The following TMEM272 variants were observed in gnomAD, a reference collection of about 807,000 sequenced individuals.
The protein encoded by TMEM272 is long intergenic non-protein coding RNA 282.
In TMEM272, 8 loss-of-function variants were observed where a neutral mutation model predicts 3.7. The ratio of observed to expected loss-of-function variants is 2.17; its 90% CI spans 1.27 to 3.91. TMEM272 has a LOEUF of 3.91. TMEM272 is among the 30% of genes most tolerant of loss of function. The pLI is 0.00. For missense variants in TMEM272, 166 were observed against 91.5 expected, an observed-to-expected ratio of 1.81 and a Z score of -3.32; for synonymous variants, 63 against 39.8, an observed-to-expected ratio of 1.58 and a Z score of -2.20.
the TMEM272 span, chr13:51,909,624 C>G: frequency 7.1e-7 from 1 of 1,414,368 alleles, no homozygotes; most frequent in Non-Finnish European, 1.0e-6. Flanking sequence ...AAATTGGTTT[C>G]TTTCTCCTTC....
chr13:51,835,224 CTTT>C (rs1956205199), intron 2 of TMEM272, among the ~76,000 whole-genome samples: 2 of 25,946 alleles, frequency 7.7e-5, no homozygotes, highest in Non-Finnish European at 2.3e-4. Flanking sequence ...CTTTTATTTT[CTTT>C]CTTTTTTTTT....
Position 51,815,896 on chromosome 13 carries a change from A to G in TMEM272, c.*855T>C, listed in dbSNP as rs1412515428. 6.6e-6 allele frequency: 1 copy of G among 152,262 alleles called. No homozygotes were observed. Among genetic ancestry groups the G allele is most frequent in the Non-Finnish European group, 1.5e-5 (1 of 68,050 alleles). The allele number at this position is 152,262 out of a possible 1,614,324, so 9.4% of individuals were successfully genotyped here. A position where few individuals can be genotyped will look rare whatever the true frequency, so the allele number is the denominator to read the frequency against. ...ATTCGATATTTAAGCTCAGAAACCA[A>G]AAACAGCTACACTGACGGCACCCCA... is the stretch of plus-strand genomic sequence containing the variant. On this transcript the variant is annotated 3_prime_UTR_variant, in exon 5 of 5. Transcript: ENST00000629372.
At chr13:51,844,245 C>CAT (rs113582636) in intron 1 of TMEM272, among the ~76,000 whole-genome samples, 20 of 150,974 alleles carry the variant, frequency 1.3e-4, no homozygotes, top group South Asian at 2.1e-4. Context: ...GACACACACA[C>CAT]ATATATATAT....
At chr13:51,922,979 C>T in the TMEM272 span, among the ~76,000 whole-genome samples, 1 of 152,244 alleles carries the variant, frequency 6.6e-6, no homozygotes, top group Admixed American at 6.5e-5. Context: ...TGCAGGGCTC[C>T]TTTTGCCCTT....
chr13:51,880,509 T>C, the TMEM272 span, among the ~76,000 whole-genome samples: 2 of 151,986 alleles, frequency 1.3e-5, no homozygotes, highest in Admixed American at 1.3e-4. Context: ...TTTTTTTTAG[T>C]CACACTGTTT....
intron 4 of TMEM272, among the ~76,000 whole-genome samples, chr13:51,818,040 C>A (rs922094520): frequency 6.6e-6 from 1 of 152,182 alleles, no homozygotes; most frequent in Non-Finnish European, 1.5e-5. Flanking sequence ...GCAACTTGAT[C>A]TGTGATGTTT....
At position 51,826,042 on chromosome 13, in the gene TMEM272, C is replaced by T. The variant is rs115733342; in HGVS notation, c.118+524G>A. 2.8e-3 allele frequency among the ~76,000 whole-genome samples: 425 copies of T among 151,990 alleles called. 5 individuals carry two copies. The highest frequency in any genetic ancestry group is 9.9e-3 in the African/African-American group (412 of 41,412). On this transcript the variant is annotated intron_variant, in intron 3 of 4. Coordinates refer to ENST00000629372, the MANE Select transcript of TMEM272 (RefSeq NM_001351003.2). ...TAGCTACTTAAGGAGCTTCCCCCAT[C>T]CTGCCCCTCCCCTGACCTTCGCTAG...
the TMEM272 span, among the ~76,000 whole-genome samples, chr13:51,900,084 A>AT: frequency 2.0e-5 from 3 of 152,224 alleles, no homozygotes; most frequent in African/African-American, 4.8e-5. Context: ...TATACCTTGA[A>AT]TTAGGCAATG....
the TMEM272 span, among the ~76,000 whole-genome samples, chr13:51,895,077 T>C: frequency 6.6e-6 from 1 of 151,982 alleles, no homozygotes; most frequent in Non-Finnish European, 1.5e-5. Context: ...GTAATTTAAG[T>C]GATGGGGAGC....
the TMEM272 span, among the ~76,000 whole-genome samples, chr13:51,884,499 G>A: frequency 6.6e-5 from 10 of 152,350 alleles, no homozygotes; most frequent in Non-Finnish European, 5.9e-5. Context: ...GTGTACTAAT[G>A]TATGGTGTGG....
At chr13:51,866,754 C>T in the TMEM272 span, among the ~76,000 whole-genome samples, 16 of 152,302 alleles carry the variant, frequency 1.1e-4, no homozygotes, top group African/African-American at 3.6e-4. Flanking sequence ...AGAGCACTGA[C>T]GCCCCTGATG....
the TMEM272 span, among the ~76,000 whole-genome samples, chr13:51,914,812 A>G: frequency 6.6e-6 from 1 of 152,226 alleles, no homozygotes; most frequent in Admixed American, 6.5e-5. Flanking sequence ...CCAGGGGCAC[A>G]TGTTAGAGTC....
chr13:51,884,768 G>C, the TMEM272 span, among the ~76,000 whole-genome samples: 3 of 152,260 alleles, frequency 2.0e-5, no homozygotes, highest in South Asian at 6.2e-4. Flanking sequence ...ACTTAAAATG[G>C]AGCCTACCCC....
At chr13:51,912,372 G>C in the TMEM272 span, among the ~76,000 whole-genome samples, 1 of 152,068 alleles carries the variant, frequency 6.6e-6, no homozygotes, top group African/African-American at 2.4e-5. Context: ...CGTATCACGT[G>C]GGGGCAGCAG....
At chr13:51,829,605 G>T (rs374640600) in intron 2 of TMEM272, among the ~76,000 whole-genome samples, 18 of 152,240 alleles carry the variant, frequency 1.2e-4, no homozygotes, top group African/African-American at 4.3e-4. Context: ...CTGCATTTTT[G>T]ACCTTGGAGC....
chr13:51,884,280 C>G, the TMEM272 span, among the ~76,000 whole-genome samples: 2 of 152,200 alleles, frequency 1.3e-5, no homozygotes, highest in Non-Finnish European at 2.9e-5. Flanking sequence ...GTTGATCTTA[C>G]ATTTTCCACA....
the TMEM272 span, among the ~76,000 whole-genome samples, chr13:51,889,699 T>C: frequency 6.6e-6 from 1 of 152,066 alleles, no homozygotes; most frequent in Non-Finnish European, 1.5e-5. Context: ...TAAAGTGCAA[T>C]GGTGCGATCC....
the TMEM272 span, among the ~76,000 whole-genome samples, chr13:51,866,486 G>A: frequency 7.2e-5 from 11 of 152,336 alleles, no homozygotes; most frequent in Middle Eastern, 3.4e-3. Context: ...GCTGTGGGGA[G>A]GTCACTTCTC....
the TMEM272 span, among the ~76,000 whole-genome samples, chr13:51,871,192 CTT>C: frequency 4.5e-4 from 62 of 137,592 alleles, no homozygotes; most frequent in Admixed American, 8.8e-4. Flanking sequence ...CAGAGTATGA[CTT>C]TTTTTTTTTT....
Sources: gnomAD v4.1 joint callset for allele counts (sites outside exome capture counted in the v4.1 genomes callset) on GRCh38, gnomAD v4.1.1 for gene constraint, MANE v1.5 for transcripts, NCBI Gene and HGNC (gene_info 2026-07-23, HGNC 2026-07-21) for gene names.